Variants in CDH12 observed in about 807,000 individuals in gnomAD.
The protein encoded by CDH12 is cadherin-12.
In CDH12, 41 loss-of-function variants were observed where a neutral mutation model predicts 74.1. That is an observed-to-expected ratio of 0.55 (90% CI 0.43 to 0.72). The LOEUF is 0.72. Ranked by LOEUF, CDH12 falls within the 30% of genes least tolerant of loss-of-function variation. The pLI, the probability that CDH12 is intolerant of heterozygous loss-of-function variation, is 0.00. For synonymous variants in CDH12, 399 were observed against 355.0 expected, an observed-to-expected ratio of 1.12 and a Z score of -1.39; for missense variants, 945 against 977.2, an observed-to-expected ratio of 0.97 and a Z score of 0.44.
At chr5:22,622,024 T>G (rs1441666713) in intron 1 of CDH12, among the ~76,000 whole-genome samples, 1 of 152,068 alleles carries the variant, frequency 6.6e-6, no homozygotes, top group Non-Finnish European at 1.5e-5. Context: ...AAATAAAAAT[T>G]GATACACATT....
intron 3 of CDH12, among the ~76,000 whole-genome samples, chr5:22,222,716 A>C (rs1199207280): frequency 2.0e-5 from 3 of 151,840 alleles, no homozygotes; most frequent in African/African-American, 7.2e-5. Flanking sequence ...GACAGGACAA[A>C]CATACTTTCA....
At chr5:22,639,870 GC>G (rs1561545381) in intron 1 of CDH12, among the ~76,000 whole-genome samples, 1 of 152,018 alleles carries the variant, frequency 6.6e-6, no homozygotes, top group African/African-American at 2.4e-5. Context: ...ACTGTTTCAG[GC>G]CCGAGTGACT....
Position 22,543,947 on chromosome 5 carries a change from C to T in CDH12, c.-522-38583G>A, listed in dbSNP as rs76173794. Among the ~76,000 whole-genome samples the T allele has an allele frequency of 1.2e-3, 189 of 151,768 alleles. 7 individuals carry two copies. The East Asian group carries it at 0.034, about 27-fold the overall frequency. ...TAGCTCCTGATGTGCCTAACAGTGC[C>T]GTGGACAAGTCTGTGATCTGCTAAA... On this transcript the variant is annotated intron_variant, in intron 1 of 14. Coordinates refer to ENST00000382254, the MANE Select transcript of CDH12 (RefSeq NM_004061.5).
intron 1 of CDH12, among the ~76,000 whole-genome samples, chr5:22,597,740 GA>G (rs1420803684): frequency 6.6e-6 from 1 of 152,094 alleles, no homozygotes; most frequent in Non-Finnish European, 1.5e-5. Flanking sequence ...AAGGCTAAAT[GA>G]GTAAAAAAAT....
rs4629552 is a variant in CDH12 at position 21,998,137 on chromosome 5, G to A, written c.232-22752C>T. ...TATTGACCTTCATTCTTACTTTGTCGTTATTCTCTTATGTAACTGTTAATT... is the reference window on the plus strand; with the variant it reads ...TATTGACCTTCATTCTTACTTTGTCATTATTCTCTTATGTAACTGTTAATT... On this transcript the variant is annotated intron_variant, in intron 5 of 14. Transcript: ENST00000382254. Among the ~76,000 whole-genome samples the A allele has an allele frequency of 2.3e-3, 343 of 151,842 alleles. 2 individuals are homozygous for A. The highest frequency in any genetic ancestry group is 0.015 in the South Asian group (71 of 4,812).
intron 1 of CDH12, among the ~76,000 whole-genome samples, chr5:22,735,741 C>A (rs1744675801): frequency 6.6e-6 from 1 of 151,758 alleles, no homozygotes; most frequent in Non-Finnish European, 1.5e-5. Flanking sequence ...TTAACACATC[C>A]ATGATTGAAA....
chr5:22,181,689 C>T (rs1286260741), intron 4 of CDH12, among the ~76,000 whole-genome samples: 1 of 152,024 alleles, frequency 6.6e-6, no homozygotes, highest in Non-Finnish European at 1.5e-5. Context: ...AAAGCAGACA[C>T]TATCATCTTG....
At chr5:22,436,918 T>C (rs992679522) in intron 2 of CDH12, among the ~76,000 whole-genome samples, 1 of 152,082 alleles carries the variant, frequency 6.6e-6, no homozygotes, top group Non-Finnish European at 1.5e-5. Flanking sequence ...CATGTACAAC[T>C]ACAAGTACAA....
chr5:22,474,647 A>G (rs1429651323), intron 2 of CDH12, among the ~76,000 whole-genome samples: 1 of 152,140 alleles, frequency 6.6e-6, no homozygotes, highest in Non-Finnish European at 1.5e-5. Context: ...ATGACCAGAG[A>G]GACAGATAGC....
At chr5:21,826,087 C>G (rs1400813302) in intron 8 of CDH12, among the ~76,000 whole-genome samples, 1 of 152,142 alleles carries the variant, frequency 6.6e-6, no homozygotes, top group Non-Finnish European at 1.5e-5. Context: ...TTTATTCAGT[C>G]TTTCCTTTTC....
intron 3 of CDH12, among the ~76,000 whole-genome samples, chr5:22,265,878 A>C (rs1309291597): frequency 6.6e-6 from 1 of 152,200 alleles, no homozygotes; most frequent in East Asian, 1.9e-4. Flanking sequence ...TGATTGGTAC[A>C]CTTAAAGATT....
chr5:22,330,021 T>C (rs1199309962), intron 3 of CDH12, among the ~76,000 whole-genome samples: 1 of 152,156 alleles, frequency 6.6e-6, no homozygotes, highest in Non-Finnish European at 1.5e-5. Flanking sequence ...ACACCAGCTG[T>C]GGGGCTAAAG....
intron 6 of CDH12, among the ~76,000 whole-genome samples, chr5:21,935,344 A>G (rs1286630154): frequency 6.6e-6 from 1 of 152,224 alleles, no homozygotes; most frequent in Non-Finnish European, 1.5e-5. Flanking sequence ...AGACATTGCT[A>G]AACTTTCACA....
At chr5:22,749,837 A>C (rs1290955097) in intron 1 of CDH12, among the ~76,000 whole-genome samples, 2 of 152,240 alleles carry the variant, frequency 1.3e-5, no homozygotes, top group East Asian at 1.9e-4. Flanking sequence ...CCTACTGTAA[A>C]TAGGCAGTAC....
intron 3 of CDH12, among the ~76,000 whole-genome samples, chr5:22,292,507 T>C (rs1042260688): frequency 3.3e-5 from 5 of 150,864 alleles, no homozygotes; most frequent in African/African-American, 9.8e-5. Flanking sequence ...TGATAAAGAG[T>C]TGAAATCCAA....
intron 3 of CDH12, among the ~76,000 whole-genome samples, chr5:22,287,507 A>T (rs996564828): frequency 2.0e-5 from 3 of 151,722 alleles, no homozygotes; most frequent in Non-Finnish European, 4.4e-5. Flanking sequence ...GGCGGATCAC[A>T]AGGTCAGGAG....
At chr5:22,790,271 G>A (rs1747841614) in intron 1 of CDH12, among the ~76,000 whole-genome samples, 2 of 152,064 alleles carry the variant, frequency 1.3e-5, no homozygotes, top group South Asian at 4.1e-4. Flanking sequence ...CCAAGTTAAG[G>A]TGGCCTAGTG....
chr5:22,584,328 G>C (rs1740260801), intron 1 of CDH12, among the ~76,000 whole-genome samples: 1 of 152,132 alleles, frequency 6.6e-6, no homozygotes, highest in Admixed American at 6.6e-5. Flanking sequence ...TCAAACTCCT[G>C]ACCTCAGGTG....
At chr5:22,019,663 C>T (rs1347278976) in intron 5 of CDH12, among the ~76,000 whole-genome samples, 2 of 152,170 alleles carry the variant, frequency 1.3e-5, no homozygotes, top group Non-Finnish European at 1.5e-5. Context: ...GGATCTTGGA[C>T]TTCCACCCTC....
Sources: gnomAD v4.1 joint callset for allele counts (sites outside exome capture counted in the v4.1 genomes callset) on GRCh38, gnomAD v4.1.1 for gene constraint, MANE v1.5 for transcripts, NCBI Gene and HGNC (gene_info 2026-07-23, HGNC 2026-07-21) for gene names.